Variants in SLC25A43 observed in about 807,000 individuals in gnomAD.
SLC25A43 encodes solute carrier family 25 member 43, also known as solute carrier family 25, member 43.
SLC25A43 carries 10 observed loss-of-function variants against 22.8 expected under a neutral mutation model. The ratio of observed to expected loss-of-function variants is 0.44; its 90% CI spans 0.27 to 0.74. SLC25A43 has a LOEUF of 0.74. SLC25A43 is among the 30% of genes least tolerant of loss of function. The pLI is 0.17. For synonymous variants in SLC25A43, 106 were observed against 121.6 expected (o/e 0.87, Z 0.84); for missense variants, 233 against 279.1 (o/e 0.83, Z 1.18).
intron 3 of SLC25A43, chrX:119,434,674 G>A (rs975161654): frequency 9.2e-6 from 1 of 108,768 alleles, no homozygotes; most frequent in African/African-American, 3.4e-5. Flanking sequence ...GGGAGCGGGG[G>A]ACCACCAGGT....
chrX:119,428,850 C>T (rs969309279), intron 3 of SLC25A43, among the ~76,000 whole-genome samples: 23 of 110,633 alleles, frequency 2.1e-4, no homozygotes, highest in Non-Finnish European at 4.2e-4. Context: ...GTGAGCTGTG[C>T]GTGCAAGGGA....
chrX:119,452,072 T>A lies in SLC25A43; in HGVS notation c.754T>A (p.Cys252Ser). 2 of 1,210,917 alleles carry A rather than the reference T, an allele frequency of 1.7e-6. No homozygotes were observed. The highest frequency in any genetic ancestry group is 2.2e-6 in the Non-Finnish European group (2 of 895,009). The change falls in exon 4 of 5, where the codon TGC becomes AGC. Residue 252 changes from cysteine (C) to serine (S), a missense_variant. By Grantham distance (112) the Cys-to-Ser change is moderately radical (BLOSUM62 -1). Coordinates refer to ENST00000217909, the MANE Select transcript of SLC25A43 (RefSeq NM_145305.3). ...TGTCCATTTCTCAGGAGCAGTGGAC[T>A]GCTTCCGGCAGATAGTGAAGGCCCA... Reference protein sequence around the residue: ...VDVHFSGAVDCFRQIVKAQGV... With the variant: ...VDVHFSGAVDSFRQIVKAQGV...
At chrX:119,451,981 C>A (rs773739807) in intron 3 of SLC25A43, 28 bp from the exon 4 acceptor site, 1 of 1,210,107 alleles carries the variant, frequency 8.3e-7, no homozygotes, top group South Asian at 1.8e-5. Flanking sequence ...GTTTCAATCA[C>A]CTCATCCCAG....
At chrX:119,419,012 T>C (rs1256910538) in intron 3 of SLC25A43, among the ~76,000 whole-genome samples, 2 of 112,353 alleles carry the variant, frequency 1.8e-5, no homozygotes, top group African/African-American at 6.5e-5. Context: ...GATGAATTCA[T>C]CTGATTAATC....
At chrX:119,402,335 T>C (rs1238363931) in intron 1 of SLC25A43, among the ~76,000 whole-genome samples, 1 of 111,829 alleles carries the variant, frequency 8.9e-6, no homozygotes, top group African/African-American at 3.3e-5. Context: ...AGCAGAAATA[T>C]CTGCTTAGTT....
rs1428699334 is a variant in SLC25A43 at position 119,399,396 on chromosome X, G to C, written c.-8G>C. The C allele has an allele frequency of 1.0e-6, 1 of 992,187 alleles. No individual in the cohort carries two copies. Among genetic ancestry groups the C allele is most frequent in the African/African-American group, 2.0e-5 (1 of 49,234 alleles). The allele number at this position is 992,187 out of a possible 1,213,427, so 81.8% of individuals were successfully genotyped here. The stretch of plus-strand genomic sequence containing the variant: ...CCACGCGGTCTTCCGGGCCCGGGTC[G>C]GGGCTCGATGGCTACGTGGAGGCGG... On this transcript the variant is annotated 5_prime_UTR_variant, in exon 1 of 5. Coordinates refer to ENST00000217909, the MANE Select transcript of SLC25A43 (RefSeq NM_145305.3).
intron 1 of SLC25A43, among the ~76,000 whole-genome samples, chrX:119,399,978 A>T (rs977547472): frequency 8.9e-6 from 1 of 112,697 alleles, no homozygotes; most frequent in Admixed American, 9.3e-5. Flanking sequence ...GCAGCAAAGG[A>T]TTTGGAGGAA....
chrX:119,413,431 C>T (rs771000119), intron 3 of SLC25A43, among the ~76,000 whole-genome samples: 9 of 111,556 alleles, frequency 8.1e-5, no homozygotes, highest in Non-Finnish European at 1.7e-4. Context: ...TTAGGCCGGG[C>T]GCGGTGGCTC....
chrX:119,399,594 G>T lies in SLC25A43; in HGVS notation c.191G>T (p.Gly64Val). 2.9e-6 allele frequency: 3 copies of T among 1,038,854 alleles called. No individual in the cohort carries two copies. Among genetic ancestry groups the T allele is most frequent in the Admixed American group, 4.4e-5 (1 of 22,880 alleles). 85.6% of individuals were successfully genotyped at this position (1,038,854 alleles called of 1,213,427 possible). The change falls in exon 1 of 5, where the codon GGG (glycine) becomes GTG (valine). Residue 64 changes from glycine to valine, a missense_variant. By Grantham distance (109) the Gly-to-Val change is moderately radical. Coordinates refer to ENST00000217909, the MANE Select transcript of SLC25A43 (RefSeq NM_145305.3). ...ATGHRVWRAE[G>V]LRALWKGNAV... ...GGGCACCGGGTGTGGCGGGCAGAGGGGCTCCGGGCCCTGTGGAAGGGGAAC... is the reference window on the plus strand; with the variant it reads ...GGGCACCGGGTGTGGCGGGCAGAGGTGCTCCGGGCCCTGTGGAAGGGGAAC...
intron 3 of SLC25A43, among the ~76,000 whole-genome samples, chrX:119,430,588 G>T (rs1250518610): frequency 1.8e-5 from 2 of 112,110 alleles, no homozygotes; most frequent in Non-Finnish European, 3.8e-5. Context: ...TGCCATGGAA[G>T]GTCCAATCAG....
chrX:119,408,612 G>T (rs1012782778), intron 2 of SLC25A43, among the ~76,000 whole-genome samples: 1 of 112,203 alleles, frequency 8.9e-6, no homozygotes, highest in Admixed American at 9.5e-5. Context: ...TAAATGGAAG[G>T]TTGGTGAGCC....
chrX:119,406,337 T>C, intron 1 of SLC25A43, 123 bp from the exon 2 acceptor site: 1 of 799,863 alleles, frequency 1.3e-6, no homozygotes, highest in South Asian at 2.6e-5. Context: ...TATATAGTAC[T>C]ATAGTAACTT....
chrX:119,442,128 G>T (rs780508607), intron 3 of SLC25A43, among the ~76,000 whole-genome samples: 2 of 111,952 alleles, frequency 1.8e-5, no homozygotes, highest in East Asian at 5.6e-4. Flanking sequence ...TACAAGAATG[G>T]ACTCCCAGTG....
intron 3 of SLC25A43, among the ~76,000 whole-genome samples, chrX:119,451,371 A>T (rs1446344001): frequency 2.7e-5 from 3 of 111,514 alleles, no homozygotes; most frequent in Non-Finnish European, 5.6e-5. Flanking sequence ...GTTACCTAAG[A>T]TGACGGCGAG....
chrX:119,425,705 C>T (rs957675166), intron 3 of SLC25A43, among the ~76,000 whole-genome samples: 3 of 108,307 alleles, frequency 2.8e-5, no homozygotes, highest in Admixed American at 2.0e-4. Context: ...TCTGTATGAG[C>T]GTCACTATTA....
At chrX:119,434,135 T>C (rs890448527) in intron 3 of SLC25A43, among the ~76,000 whole-genome samples, 8 of 110,293 alleles carry the variant, frequency 7.3e-5, no homozygotes, top group African/African-American at 2.6e-4. Flanking sequence ...GGAACTTGGT[T>C]AGTGATGGAT....
At chrX:119,415,243 G>A (rs2052389616) in intron 3 of SLC25A43, among the ~76,000 whole-genome samples, 1 of 109,887 alleles carries the variant, frequency 9.1e-6, no homozygotes, top group Non-Finnish European at 1.9e-5. Flanking sequence ...GCTAATTTTT[G>A]TATTTTTTGT....
chrX:119,413,832 A>T (rs764687168), intron 3 of SLC25A43, among the ~76,000 whole-genome samples: 2 of 111,893 alleles, frequency 1.8e-5, no homozygotes, highest in Admixed American at 9.5e-5. Flanking sequence ...ATATGTAACA[A>T]TTTCTCCTTT....
chrX:119,402,457 G>A (rs781494744), intron 1 of SLC25A43, among the ~76,000 whole-genome samples: 2 of 111,852 alleles, frequency 1.8e-5, no homozygotes, highest in African/African-American at 3.2e-5. Context: ...CTTCACAACC[G>A]CTTGTCTATC....
Sources: allele counts gnomAD v4.1 joint callset (sites outside exome capture counted in the v4.1 genomes callset), GRCh38; gene constraint gnomAD v4.1.1; transcripts MANE v1.5; gene names NCBI Gene and HGNC (gene_info 2026-07-23, HGNC 2026-07-21).